NCOA7: variants seen among roughly 807,000 people sequenced by gnomAD.
NCOA7 encodes nuclear receptor coactivator 7.
Under a neutral mutation model 104.3 loss-of-function variants are expected in NCOA7, and 45 were observed. The ratio of observed to expected loss-of-function variants is 0.43; its 90% CI spans 0.34 to 0.55. The LOEUF is 0.55. Among genes scored for constraint, NCOA7 ranks in the 20% least tolerant of loss-of-function variants. The pLI is 0.02. For synonymous variants in NCOA7, 398 were observed against 402.3 expected (o/e 0.99, Z 0.13); for missense variants, 1,041 against 1,119.7 (o/e 0.93, Z 1.00).
chr6:125,894,196 A>G (rs2128663870), intron 10 of NCOA7, among the ~76,000 whole-genome samples: 1 of 152,296 alleles, frequency 6.6e-6, no homozygotes, highest in Non-Finnish European at 1.5e-5. Context: ...TTGTATGTTT[A>G]GCAACCTCCA....
intron 11 of NCOA7, chr6:125,919,323 A>G (rs1787360624): frequency 4.3e-6 from 7 of 1,612,706 alleles, no homozygotes; most frequent in Middle Eastern, 1.6e-4. Context: ...CTTGTTCCTC[A>G]TTAGAGAGAG....
chr6:125,914,434 A>G (rs1786869719), intron 10 of NCOA7, among the ~76,000 whole-genome samples: 2 of 152,246 alleles, frequency 1.3e-5, no homozygotes. Context: ...TTGATCTGTT[A>G]GGATATCAGA....
At position 125,815,314 on chromosome 6, in the gene NCOA7, G is replaced by C. The variant is rs1777487623; in HGVS notation, c.-41G>C. On this transcript the variant is annotated 5_prime_UTR_variant, in exon 2 of 16. Transcript: ENST00000392477. ...AGGGTTACGACTCACTGATTAAAAA[G>C]AGGGACTTTTTCAAATACTTTGCAC... 2.6e-6 allele frequency: 4 copies of C among 1,512,378 alleles called. No homozygotes were observed. The highest frequency in any genetic ancestry group is 2.7e-6 in the Non-Finnish European group (3 of 1,104,126). 93.7% of individuals were successfully genotyped at this position (1,512,378 alleles called of 1,614,324 possible).
At chr6:125,789,890 T>C (rs1774670716), upstream of NCOA7, among the ~76,000 whole-genome samples, 1 of 152,194 alleles carries the variant, frequency 6.6e-6, no homozygotes, top group Non-Finnish European at 1.5e-5. Context: ...CCTTGGGATA[T>C]TTTTCTGCGT....
chr6:125,824,363 A>G (rs1389240709), intron 2 of NCOA7, among the ~76,000 whole-genome samples: 1 of 152,176 alleles, frequency 6.6e-6, no homozygotes, highest in Non-Finnish European at 1.5e-5. Flanking sequence ...GACCTCCTGC[A>G]GGTTTCTTCT....
chr6:125,802,578 A>G (rs895866954), intron 1 of NCOA7: 5 of 152,260 alleles, frequency 3.3e-5, no homozygotes, highest in African/African-American at 9.6e-5. Context: ...AACAAGTCAC[A>G]TGAAAAATCA....
At chr6:125,896,391 T>C (rs1489615075) in intron 10 of NCOA7, among the ~76,000 whole-genome samples, 1 of 152,206 alleles carries the variant, frequency 6.6e-6, no homozygotes, top group Non-Finnish European at 1.5e-5. Flanking sequence ...AGCTATAAAA[T>C]GTTTTATTTT....
chr6:125,868,679 T>C (rs1227459282), intron 3 of NCOA7, among the ~76,000 whole-genome samples: 2 of 152,262 alleles, frequency 1.3e-5, no homozygotes, highest in South Asian at 2.1e-4. Flanking sequence ...GTTTCCATTA[T>C]AGGGACATGC....
At chr6:125,829,254 A>AT (rs1401344273) in intron 2 of NCOA7, among the ~76,000 whole-genome samples, 1 of 152,084 alleles carries the variant, frequency 6.6e-6, no homozygotes, top group African/African-American at 2.4e-5. Context: ...TCCTGTTTCA[A>AT]TTTTTTTAGT....
chr6:125,847,125 CATA>C (rs1469579159), intron 2 of NCOA7, among the ~76,000 whole-genome samples: 8 of 152,074 alleles, frequency 5.3e-5, no homozygotes, highest in Admixed American at 4.6e-4. Flanking sequence ...CAAATGAGAA[CATA>C]ATAAAAAGTA....
intron 2 of NCOA7, among the ~76,000 whole-genome samples, chr6:125,839,976 A>T (rs916300890): frequency 5.3e-5 from 8 of 151,928 alleles, no homozygotes; most frequent in African/African-American, 1.9e-4. Flanking sequence ...AAAAAAAAAA[A>T]GCTAAACAGA....
chr6:125,805,289 T>A (rs1259950046), intron 1 of NCOA7, among the ~76,000 whole-genome samples: 2 of 151,996 alleles, frequency 1.3e-5, no homozygotes. Flanking sequence ...GAGATGAGGT[T>A]TCACCATGTT....
At chr6:125,908,544 T>C (rs931830561) in intron 10 of NCOA7, among the ~76,000 whole-genome samples, 1 of 152,182 alleles carries the variant, frequency 6.6e-6, no homozygotes, top group Non-Finnish European at 1.5e-5. Context: ...GCTCTAATAA[T>C]ATTGAGATCT....
At chr6:125,902,825 G>A (rs1158449949) in intron 10 of NCOA7, among the ~76,000 whole-genome samples, 1 of 152,186 alleles carries the variant, frequency 6.6e-6, no homozygotes, top group Non-Finnish European at 1.5e-5. Flanking sequence ...AAAATGCTAT[G>A]TGACCTTGGG....
chr6:125,921,164 C>T, intron 12 of NCOA7, 96 bp downstream of exon 12: 1 of 1,457,518 alleles, frequency 6.9e-7, no homozygotes, highest in East Asian at 2.5e-5. Flanking sequence ...AATCCTCACA[C>T]TTTGGGAGGC....
Position 125,921,145 on chromosome 6 carries a change from C to A in NCOA7, c.2370+77C>A. 9 of 1,542,290 alleles carry A rather than the reference C, an allele frequency of 5.8e-6. No individual in the cohort carries two copies. The South Asian group carries it at 1.0e-4, about 18-fold the overall frequency. On this transcript the variant is annotated intron_variant, in intron 12 of 15. Transcript: ENST00000392477. ...TTTCCCTTGGCCAGGTACAGTGGCTCATGCCTGTAATCCTCACACTTTGGG... is the reference window on the plus strand; with the variant it reads ...TTTCCCTTGGCCAGGTACAGTGGCTAATGCCTGTAATCCTCACACTTTGGG...
intron 12 of NCOA7, 117 bp from the exon 13 acceptor site, chr6:125,922,565 G>A: frequency 1.7e-6 from 2 of 1,152,566 alleles, no homozygotes; most frequent in Non-Finnish European, 2.5e-6. Flanking sequence ...AATAAGGAGG[G>A]GCACTATGTG....
intron 1 of NCOA7, among the ~76,000 whole-genome samples, chr6:125,782,372 C>T (rs964411824): frequency 5.3e-5 from 8 of 152,092 alleles, no homozygotes; most frequent in African/African-American, 1.4e-4. Context: ...TACTAAACAC[C>T]GTATTATGCA....
intron 1 of NCOA7, among the ~76,000 whole-genome samples, chr6:125,782,291 A>T (rs927650613): frequency 6.6e-6 from 1 of 152,178 alleles, no homozygotes. Flanking sequence ...AATATTTTCC[A>T]TATATGCTTT....
Sources: gnomAD v4.1 joint callset for allele counts (sites outside exome capture counted in the v4.1 genomes callset) on GRCh38, gnomAD v4.1.1 for gene constraint, MANE v1.5 for transcripts, NCBI Gene and HGNC (gene_info 2026-07-23, HGNC 2026-07-21) for gene names.